ITGB3BP: variants seen among roughly 807,000 people sequenced by gnomAD.
ITGB3BP encodes the protein integrin subunit beta 3 binding protein.
In ITGB3BP, 27 loss-of-function variants were observed where a neutral mutation model predicts 29.1. That is an observed-to-expected ratio of 0.93 (90% CI 0.68 to 1.28). The LOEUF (loss-of-function observed/expected upper bound fraction) is 1.28, where lower values mean the gene tolerates loss of function less well. Among genes scored for constraint, ITGB3BP ranks in the 50% most tolerant of loss-of-function variants. The pLI is 0.00. For missense variants in ITGB3BP, 192 were observed against 200.2 expected (o/e 0.96, Z 0.25); for synonymous variants, 61 against 61.4 (o/e 0.99, Z 0.03).
In ITGB3BP at chr1:63,489,742, C is replaced by T. The variant is rs553699313; in HGVS notation, c.184+341G>A. ...GTATCACTCTTAAGTTGTAGTGCAG[C>T]AGCACCTGAATTATGCTCCCTTTAA... On this transcript the variant is annotated intron_variant, in intron 3 of 8. Transcript: ENST00000271002. Among the ~76,000 whole-genome samples the T allele has an allele frequency of 9.9e-5, 15 of 152,134 alleles. No individual in the cohort carries two copies. The East Asian group carries it at 2.9e-3, about 29-fold the overall frequency.
chr1:63,525,577 C>T (rs767896192), upstream of ITGB3BP: 8 of 1,491,650 alleles, frequency 5.4e-6, no homozygotes, highest in Admixed American at 5.3e-5. Context: ...AATAGAATGG[C>T]GATCAGTCCA....
chr1:63,479,269 G>A (rs1314576843), intron 3 of ITGB3BP, among the ~76,000 whole-genome samples: 1 of 151,942 alleles, frequency 6.6e-6, no homozygotes, highest in Non-Finnish European at 1.5e-5. Flanking sequence ...AAATAGTTAA[G>A]TTCCTCGTAA....
chr1:63,451,317 T>C (rs1199140981), intron 7 of ITGB3BP, among the ~76,000 whole-genome samples: 1 of 151,920 alleles, frequency 6.6e-6, no homozygotes, highest in African/African-American at 2.4e-5. Context: ...ACAAATCCTA[T>C]ACATATTATA....
intron 1 of ITGB3BP, among the ~76,000 whole-genome samples, chr1:63,516,542 T>A (rs1316384560): frequency 2.0e-5 from 3 of 150,780 alleles, no homozygotes; most frequent in African/African-American, 7.3e-5. Flanking sequence ...AGACTCTGTC[T>A]TTACAAAAAA....
chr1:63,469,892 C>A (rs936239518), intron 4 of ITGB3BP, among the ~76,000 whole-genome samples: 1 of 152,198 alleles, frequency 6.6e-6, no homozygotes, highest in Non-Finnish European at 1.5e-5. Flanking sequence ...ATGGCCGTAA[C>A]GCCCACGCTG....
chr1:63,465,515 C>T (rs1184740405), intron 4 of ITGB3BP, among the ~76,000 whole-genome samples: 2 of 151,234 alleles, frequency 1.3e-5, no homozygotes, highest in Non-Finnish European at 2.9e-5. Context: ...ATCTCAGCTT[C>T]CTCAGTAGTG....
At chr1:63,478,701 T>G in intron 4 of ITGB3BP, 63 bp downstream of exon 4, 2 of 795,050 alleles carry the variant, frequency 2.5e-6, no homozygotes, top group Non-Finnish European at 4.1e-6. Flanking sequence ...AACGGTCACT[T>G]TAACAAATAT....
At chr1:63,479,063 G>A (rs975464286) in intron 3 of ITGB3BP, among the ~76,000 whole-genome samples, 2 of 151,840 alleles carry the variant, frequency 1.3e-5, no homozygotes, top group African/African-American at 4.8e-5. Flanking sequence ...TTCCACTGAA[G>A]GTTGGTATAT....
At chr1:63,445,828 G>A (rs954216229) in intron 8 of ITGB3BP, among the ~76,000 whole-genome samples, 15 of 152,150 alleles carry the variant, frequency 9.9e-5, no homozygotes, top group Non-Finnish European at 1.9e-4. Flanking sequence ...GGGCTCAAGC[G>A]ATCCTCTCAC....
chr1:63,508,311 TAACTG>T, intron 2 of ITGB3BP, among the ~76,000 whole-genome samples: 1 of 152,224 alleles, frequency 6.6e-6, no homozygotes, highest in Middle Eastern at 3.4e-3. Flanking sequence ...ATTTGCTTCT[TAACTG>T]AACACCTCAA....
intron 2 of ITGB3BP, among the ~76,000 whole-genome samples, chr1:63,495,198 T>C (rs1044421484): frequency 6.6e-6 from 1 of 152,208 alleles, no homozygotes; most frequent in African/African-American, 2.4e-5. Flanking sequence ...TGCATATGAA[T>C]TTTGTATATG....
chr1:63,466,488 C>A (rs1645102169), intron 4 of ITGB3BP, among the ~76,000 whole-genome samples: 1 of 152,204 alleles, frequency 6.6e-6, no homozygotes, highest in South Asian at 2.1e-4. Context: ...AGGGCATTGC[C>A]ACCAACCCCA....
chr1:63,452,239 T>C (rs1300440604), intron 7 of ITGB3BP, among the ~76,000 whole-genome samples: 1 of 152,198 alleles, frequency 6.6e-6, no homozygotes, highest in African/African-American at 2.4e-5. Context: ...AGTTCACTTA[T>C]TTATTCCAGA....
At chr1:63,506,985 T>C (rs763167866) in intron 2 of ITGB3BP, among the ~76,000 whole-genome samples, 1 of 152,164 alleles carries the variant, frequency 6.6e-6, no homozygotes, top group Admixed American at 6.6e-5. Flanking sequence ...AGGGCTAAGT[T>C]GTTACTAGAG....
rs1644909079 is a variant in ITGB3BP at position 63,454,833 on chromosome 1, G to C, written c.333+57C>G. 2.6e-6 allele frequency: 2 copies of C among 766,580 alleles called. No homozygotes were observed. 47.5% of individuals were successfully genotyped at this position (766,580 alleles called of 1,614,324 possible). On this transcript the variant is annotated intron_variant, in intron 5 of 8. Coordinates refer to ENST00000271002, the MANE Select transcript of ITGB3BP (RefSeq NM_014288.5). This position sits in a 1 kb window ranked among gnomAD's most constrained non-coding sequence, Gnocchi z 4.1. Reference sequence around the variant, plus strand: ...TCCTGGATTGGATTCTCCAATCTGGGACACTTCTTTCATTTTATCCTTTTC... The same window carrying C: ...TCCTGGATTGGATTCTCCAATCTGGCACACTTCTTTCATTTTATCCTTTTC...
intron 4 of ITGB3BP, among the ~76,000 whole-genome samples, chr1:63,475,997 CAAAA>C (rs71052481): frequency 3.8e-5 from 4 of 104,364 alleles, no homozygotes; most frequent in African/African-American, 3.6e-5. Context: ...GACACTGTCT[CAAAA>C]AAAAAAAAAA....
chr1:63,445,743 C>T (rs574014646), intron 8 of ITGB3BP, among the ~76,000 whole-genome samples: 37 of 151,792 alleles, frequency 2.4e-4, no homozygotes, highest in African/African-American at 7.7e-4. Context: ...TACAGACATG[C>T]GCCACCATAC....
At chr1:63,449,269 T>C (rs1313774736) in intron 7 of ITGB3BP, 1 of 152,512 alleles carries the variant, frequency 6.6e-6, no homozygotes, top group Non-Finnish European at 1.5e-5. Flanking sequence ...CATCAGCACA[T>C]ACTGAGCACC....
intron 1 of ITGB3BP, among the ~76,000 whole-genome samples, chr1:63,509,315 C>G (rs6588045): frequency 0.99 from 150,736 of 152,300 alleles, 74,610 homozygotes; most frequent in Middle Eastern, 1. Flanking sequence ...ACATTTTATT[C>G]AATGCAGACT....
Sources: gnomAD v4.1 joint callset for allele counts (sites outside exome capture counted in the v4.1 genomes callset) on GRCh38, gnomAD v4.1.1 for gene constraint, Gnocchi (gnomAD v3.1) non-coding constraint, MANE v1.5 for transcripts, NCBI Gene and HGNC (gene_info 2026-07-23, HGNC 2026-07-21) for gene names.